Variants in NLGN1 observed in about 807,000 individuals in gnomAD.
NLGN1 encodes the protein neuroligin-1.
NLGN1 carries 12 observed loss-of-function variants against 65.5 expected under a neutral mutation model. That is an observed-to-expected ratio of 0.18 (90% CI 0.12 to 0.30). The LOEUF (loss-of-function observed/expected upper bound fraction) is 0.30, where lower values mean the gene tolerates loss of function less well. NLGN1 is among the 10% of genes least tolerant of loss of function. The probability of loss-of-function intolerance (pLI) is 1.00; values close to 1 mark genes in which losing one functional copy is unlikely to be tolerated. For synonymous variants in NLGN1, 350 were observed against 359.5 expected (o/e 0.97, Z 0.30); for missense variants, 750 against 1,007.1 (o/e 0.74, Z 3.46).
At chr3:174,160,264 C>T (rs1726237818) in intron 4 of NLGN1, among the ~76,000 whole-genome samples, 1 of 151,578 alleles carries the variant, frequency 6.6e-6, no homozygotes, top group Non-Finnish European at 1.5e-5. Context: ...TACATTCTAT[C>T]TCGTTTGGTT....
At chr3:173,814,547 C>G (rs1490945805) in intron 4 of NLGN1, among the ~76,000 whole-genome samples, 1 of 152,120 alleles carries the variant, frequency 6.6e-6, no homozygotes, top group Non-Finnish European at 1.5e-5. Context: ...GCAGTAAAAG[C>G]AACTATTTAT....
At chr3:173,826,853 G>T (rs1471124794) in intron 4 of NLGN1, among the ~76,000 whole-genome samples, 2 of 152,034 alleles carry the variant, frequency 1.3e-5, no homozygotes, top group African/African-American at 2.4e-5. Context: ...TTTAATGGGG[G>T]CTTGACTTAG....
chr3:173,776,467 A>G (rs550659684), intron 3 of NLGN1, among the ~76,000 whole-genome samples: 4 of 152,170 alleles, frequency 2.6e-5, no homozygotes, highest in Admixed American at 6.5e-5. Flanking sequence ...CCTACCATTA[A>G]TAAATAAAAT....
At chr3:173,906,878 CAAAAAAAAA>C (rs1224471514) in intron 4 of NLGN1, among the ~76,000 whole-genome samples, 1 of 88,270 alleles carries the variant, frequency 1.1e-5, no homozygotes, top group Non-Finnish European at 2.4e-5. Flanking sequence ...CAAACAAAAA[CAAAAAAAAA>C]AAAAAAAAAA....
At chr3:173,510,645 T>G (rs186682313) in intron 2 of NLGN1, among the ~76,000 whole-genome samples, 97 of 152,324 alleles carry the variant, frequency 6.4e-4, no homozygotes, top group Non-Finnish European at 5.7e-4. Context: ...AAATAAACCT[T>G]TTGTCATACT....
At chr3:173,462,683 C>G (rs766170087) in intron 2 of NLGN1, among the ~76,000 whole-genome samples, 1 of 152,132 alleles carries the variant, frequency 6.6e-6, no homozygotes, top group Non-Finnish European at 1.5e-5. Context: ...GTGCAACAAT[C>G]TTCTATTGCT....
At chr3:173,440,741 T>C (rs1719008926) in intron 2 of NLGN1, among the ~76,000 whole-genome samples, 1 of 152,062 alleles carries the variant, frequency 6.6e-6, no homozygotes, top group African/African-American at 2.4e-5. Context: ...ACAGGCAGAG[T>C]AGATTTAGCA....
chr3:173,880,414 A>G (rs1441533527), intron 4 of NLGN1, among the ~76,000 whole-genome samples: 2 of 151,648 alleles, frequency 1.3e-5, no homozygotes, highest in African/African-American at 4.8e-5. Flanking sequence ...ATATACAGGC[A>G]TAGCTCAGAT....
chr3:174,292,529 C>T, the NLGN1 span, among the ~76,000 whole-genome samples: 2 of 151,432 alleles, frequency 1.3e-5, no homozygotes, highest in South Asian at 2.1e-4. Flanking sequence ...AAGAAAACAT[C>T]TACCACTTAT....
chr3:173,925,540 A>G (rs1742841261), intron 4 of NLGN1, among the ~76,000 whole-genome samples: 2 of 152,256 alleles, frequency 1.3e-5, no homozygotes, highest in East Asian at 3.9e-4. Flanking sequence ...TGCCTCCCTC[A>G]CAGAACCATT....
At chr3:173,526,116 G>A (rs992010723) in intron 2 of NLGN1, among the ~76,000 whole-genome samples, 77 of 152,014 alleles carry the variant, frequency 5.1e-4, no homozygotes, top group South Asian at 6.2e-4. Flanking sequence ...TATTAGATCC[G>A]TAGATATTTA....
intron 2 of NLGN1, among the ~76,000 whole-genome samples, chr3:173,544,649 A>G (rs73181043): frequency 3.8e-3 from 576 of 152,228 alleles, no homozygotes; most frequent in Middle Eastern, 0.02. Flanking sequence ...GAAAAGAAAG[A>G]CCATTATAAG....
chr3:174,065,575 G>A (rs925294273), intron 4 of NLGN1, among the ~76,000 whole-genome samples: 4 of 151,900 alleles, frequency 2.6e-5, no homozygotes, highest in Admixed American at 6.6e-5. Flanking sequence ...TCGAAAATAC[G>A]TCTCATTGAT....
At chr3:174,090,897 ATTC>A (rs755333615) in intron 4 of NLGN1, among the ~76,000 whole-genome samples, 1 of 152,114 alleles carries the variant, frequency 6.6e-6, no homozygotes, top group Non-Finnish European at 1.5e-5. Flanking sequence ...CATCCAGGGG[ATTC>A]TTATTCCTTC....
At chr3:173,799,281 A>G (rs1714881475) in intron 3 of NLGN1, among the ~76,000 whole-genome samples, 1 of 152,152 alleles carries the variant, frequency 6.6e-6, no homozygotes, top group East Asian at 1.9e-4. Flanking sequence ...GAAACAAAAA[A>G]AGAATGTGAG....
intron 2 of NLGN1, among the ~76,000 whole-genome samples, chr3:173,476,424 T>A (rs577237737): frequency 6.6e-6 from 1 of 152,346 alleles, no homozygotes; most frequent in South Asian, 2.1e-4. Flanking sequence ...CTATTTATCA[T>A]CTATTTTAAA....
intron 4 of NLGN1, among the ~76,000 whole-genome samples, chr3:173,935,262 G>T (rs1256427165): frequency 6.6e-6 from 1 of 151,796 alleles, no homozygotes; most frequent in Non-Finnish European, 1.5e-5. Context: ...ACTATCTGGG[G>T]GTTATAAAGG....
rs571906957 is a variant in NLGN1 at position 174,124,595 on chromosome 3, G to A, written c.647-150720G>A. 2.2e-4 allele frequency among the ~76,000 whole-genome samples: 17 copies of A among 78,270 alleles called. No individual in the cohort carries two copies. The East Asian group carries it at 3.9e-3, about 18-fold the overall frequency. The allele number at this position is 78,270 out of a possible 152,430, so 51.3% of individuals were successfully genotyped here. A position where few individuals can be genotyped will look rare whatever the true frequency, so the allele number is the denominator to read the frequency against. ...TATACACATATATACGTATATATAC[G>A]TATACATATATACGTATATATACGT... On this transcript the variant is annotated intron_variant, in intron 4 of 6. Coordinates refer to ENST00000457714, the Ensembl canonical transcript of NLGN1.
At chr3:174,249,843 TAAG>T (rs1430959648) in intron 4 of NLGN1, among the ~76,000 whole-genome samples, 3 of 152,208 alleles carry the variant, frequency 2.0e-5, no homozygotes, top group Non-Finnish European at 4.4e-5. Context: ...CTTTGTATTA[TAAG>T]AAGGAGGCTG....
Sources: gnomAD v4.1 joint callset for allele counts (sites outside exome capture counted in the v4.1 genomes callset) on GRCh38, gnomAD v4.1.1 for gene constraint, MANE v1.5 for transcripts, NCBI Gene and HGNC (gene_info 2026-07-23, HGNC 2026-07-21) for gene names.